SYNE1: variants seen among roughly 807,000 people sequenced by gnomAD.
The protein encoded by SYNE1 is nesprin-1.
Under a neutral mutation model 1,111.0 loss-of-function variants are expected in SYNE1, and 616 were observed. That is an observed-to-expected ratio of 0.55 (90% CI 0.52 to 0.59). SYNE1 has a LOEUF of 0.59. Among genes scored for constraint, SYNE1 ranks in the 20% least tolerant of loss-of-function variants. The probability of loss-of-function intolerance (pLI) is 0.00; values close to 1 mark genes in which losing one functional copy is unlikely to be tolerated. For missense variants in SYNE1, 10,006 were observed against 10,417.0 expected, an observed-to-expected ratio of 0.96 and a Z score of 1.72; for synonymous variants, 3,855 against 3,825.8, an observed-to-expected ratio of 1.01 and a Z score of -0.28.
intron 97 of SYNE1, among the ~76,000 whole-genome samples, chr6:152,279,597 A>G (rs9479282): frequency 0.069 from 10,417 of 151,452 alleles, 412 homozygotes; most frequent in South Asian, 0.1. Flanking sequence ...ACGTGCCTGT[A>G]CTCCCCGCAC....
Position 152,369,074 on chromosome 6 carries a change from C to T in SYNE1, c.9705G>A (p.Glu3235=), listed in dbSNP as rs777734905. The change falls in exon 61 of 146, where the codon GAG becomes GAA. Residue 3235 remains glutamate, a synonymous_variant. Transcript: ENST00000367255. ...GTCCTTCCCACAGCTGCTGAGCTTT[C>T]TCTTTCAGCCTGTTGAGCTGAGGCT... ...CYEPQLNRLK[E]KAQQLWEGQA... 6.2e-7 allele frequency: 1 copy of T among 1,614,164 alleles called. No individual in the cohort carries two copies. The highest frequency in any genetic ancestry group is 8.5e-7 in the Non-Finnish European group (1 of 1,180,040).
intron 36 of SYNE1, among the ~76,000 whole-genome samples, chr6:152,429,041 A>G (rs911308006): frequency 6.6e-6 from 1 of 151,168 alleles, no homozygotes; most frequent in Non-Finnish European, 1.5e-5. Context: ...CAAAAAATAC[A>G]TATAAAAAGA....
Position 152,135,232 on chromosome 6 carries a change from C to T in SYNE1, c.25660G>A (p.Gly8554Ser). ...LLQDALMQCQ[G>S]FHEMSHGLLL... ...AAACCATGGCTCATTTCATGGAAAC[C>T]CTACAGAAAACAGTTTAAAGTAACT... Residue 8554 changes from glycine (G) to serine (S), a missense_variant and splice_region_variant, in exon 142 of 146, where the codon GGT (glycine) becomes AGT (serine). By Grantham distance (56) the Gly-to-Ser change is moderately conservative. This residue lies in a region of SYNE1 where 761 missense variants were observed against 795.5 expected (regional missense o/e 0.96). Transcript: ENST00000367255. 2 of 1,613,948 alleles carry T rather than the reference C, an allele frequency of 1.2e-6. No homozygotes were observed. The highest frequency in any genetic ancestry group is 1.7e-6 in the Non-Finnish European group (2 of 1,179,946).
Position 152,363,242 on chromosome 6 carries a change from C to A in SYNE1, c.10146-919G>T, listed in dbSNP as rs1591119590. 3.4e-5 allele frequency among the ~76,000 whole-genome samples: 5 copies of A among 146,642 alleles called. No individual in the cohort carries two copies. In the South Asian group the frequency reaches 1.1e-3, roughly 33 times the overall value. On this transcript the variant is annotated intron_variant, in intron 63 of 145. Transcript: ENST00000367255. ...GGGCGCGGTGACTCACGCCTGTAAT[C>A]CCAGCACTTTGGGAGGCCAAGGCGG...
intron 10 of SYNE1, among the ~76,000 whole-genome samples, chr6:152,502,274 T>C (rs1309120133): frequency 6.6e-6 from 1 of 152,188 alleles, no homozygotes; most frequent in African/African-American, 2.4e-5. Flanking sequence ...TTTGATCAGA[T>C]CAACCAGAGC....
intron 45 of SYNE1, among the ~76,000 whole-genome samples, chr6:152,405,420 T>G (rs1156345807): frequency 3.3e-5 from 5 of 152,180 alleles, no homozygotes; most frequent in African/African-American, 1.2e-4. Flanking sequence ...GTTGAAGACA[T>G]ACACAGCAGT....
chr6:152,604,145 TCTC>T (rs2099604801), intron 3 of SYNE1, among the ~76,000 whole-genome samples: 1 of 148,184 alleles, frequency 6.7e-6, no homozygotes, highest in Non-Finnish European at 1.5e-5. Flanking sequence ...TCAGATAAAG[TCTC>T]CAACCCTTTA....
At chr6:152,306,385 C>T (rs1161469610) in intron 91 of SYNE1, among the ~76,000 whole-genome samples, 2 of 151,914 alleles carry the variant, frequency 1.3e-5, no homozygotes, top group Non-Finnish European at 2.9e-5. Flanking sequence ...ACTCGGGAGC[C>T]TGAGGCAGGA....
At chr6:152,535,224 C>T (rs2099228868) in intron 4 of SYNE1, among the ~76,000 whole-genome samples, 1 of 152,162 alleles carries the variant, frequency 6.6e-6, no homozygotes, top group Non-Finnish European at 1.5e-5. Flanking sequence ...GCCTGGCCTT[C>T]GAGTCTCCAG....
At chr6:152,596,270 G>GTT (rs35952199) in intron 3 of SYNE1, among the ~76,000 whole-genome samples, 1 of 89,176 alleles carries the variant, frequency 1.1e-5, no homozygotes, top group Non-Finnish European at 2.4e-5. Flanking sequence ...TTGTTTGTTT[G>GTT]TTTTTTTTTT....
chr6:152,307,795 C>T (rs897391828), intron 91 of SYNE1, among the ~76,000 whole-genome samples: 2 of 152,250 alleles, frequency 1.3e-5, no homozygotes, highest in East Asian at 3.9e-4. Context: ...ACTGAAATGA[C>T]TAATATGTCA....
Position 152,242,456 on chromosome 6 carries a change from C to T in SYNE1, c.19693-16G>A. On this transcript the variant is annotated splice_polypyrimidine_tract_variant and intron_variant, in intron 106 of 145. Coordinates refer to ENST00000367255, the MANE Select transcript of SYNE1 (RefSeq NM_182961.4). ...CATACATGTCCTAAGAAGCAGAGAC[C>T]ACAAGACTCACTCTCAATTCATATT... 6.2e-7 allele frequency: 1 copy of T among 1,613,400 alleles called. No individual in the cohort carries two copies. The highest frequency in any genetic ancestry group is 2.2e-5 in the East Asian group (1 of 44,856).
intron 63 of SYNE1, 27 bp from the exon 64 acceptor site, chr6:152,362,350 A>G: frequency 2.5e-6 from 4 of 1,614,080 alleles, no homozygotes; most frequent in Non-Finnish European, 3.4e-6. Flanking sequence ...AGGACAATAA[A>G]TCCACATTGA....
At chr6:152,381,624 T>C in intron 55 of SYNE1, 1 of 529,644 alleles carries the variant, frequency 1.9e-6, no homozygotes, top group Non-Finnish European at 3.4e-6. Context: ...AAATCAGGCA[T>C]TATTCGCACA....
intron 114 of SYNE1, 92 bp downstream of exon 114, chr6:152,231,299 C>T: frequency 7.2e-7 from 1 of 1,393,146 alleles, no homozygotes; most frequent in Non-Finnish European, 1.0e-6. Context: ...CCCAGTATAG[C>T]CACGCTACTT....
chr6:152,146,423 C>T (rs2059525936), intron 137 of SYNE1: 1 of 152,104 alleles, frequency 6.6e-6, no homozygotes, highest in Non-Finnish European at 1.5e-5. Flanking sequence ...CTTTCTTGTA[C>T]TAAGTCTTTG....
intron 3 of SYNE1, among the ~76,000 whole-genome samples, chr6:152,570,524 T>C (rs1273174889): frequency 1.3e-5 from 2 of 152,192 alleles, no homozygotes; most frequent in African/African-American, 4.8e-5. Context: ...TTGACCCTTT[T>C]GGGGAGGTGC....
chr6:152,522,307 G>T (rs1160963780), intron 5 of SYNE1, among the ~76,000 whole-genome samples: 1 of 152,004 alleles, frequency 6.6e-6, no homozygotes, highest in Non-Finnish European at 1.5e-5. Context: ...AGAATATATA[G>T]TATTTAGTTT....
intron 133 of SYNE1, among the ~76,000 whole-genome samples, chr6:152,152,707 T>C (rs886438470): frequency 6.6e-6 from 1 of 152,218 alleles, no homozygotes; most frequent in African/African-American, 2.4e-5. Context: ...AATCAAGCTA[T>C]TATAAGCTTT....
Sources: gnomAD v4.1 joint callset for allele counts (sites outside exome capture counted in the v4.1 genomes callset) on GRCh38, gnomAD v4.1.1 for gene constraint, gnomAD v4.1.1 regional missense constraint, MANE v1.5 for transcripts, NCBI Gene and HGNC (gene_info 2026-07-23, HGNC 2026-07-21) for gene names.